KLHL15: variants seen among roughly 807,000 people sequenced by gnomAD.
KLHL15 encodes kelch like family member 15, also known as kelch-like protein 15.
In KLHL15, 1 loss-of-function variant was observed where a neutral mutation model predicts 29.3. The ratio of observed to expected loss-of-function variants is 0.03; its 90% confidence interval spans 0.01 to 0.16. KLHL15 has a LOEUF of 0.16. KLHL15 is among the 10% of genes least tolerant of loss of function. The pLI, the probability that KLHL15 is intolerant of heterozygous loss-of-function variation, is 1.00. For synonymous variants in KLHL15, 212 were observed against 184.5 expected, an observed-to-expected ratio of 1.15 and a Z score of -1.21; for missense variants, 215 against 478.5, an observed-to-expected ratio of 0.45 and a Z score of 5.14.
chrX:23,998,002 C>T (rs1230629014), intron 3 of KLHL15, among the ~76,000 whole-genome samples: 3 of 110,766 alleles, frequency 2.7e-5, no homozygotes, highest in East Asian at 2.9e-4. Flanking sequence ...CACTCTGTCA[C>T]CCAGGCTGGA....
intron 2 of KLHL15, 47 bp from the exon 3 acceptor site, chrX:24,006,747 A>C (rs1929451893): frequency 1.1e-6 from 1 of 950,589 alleles, no homozygotes; most frequent in Non-Finnish European, 1.4e-6. Context: ...CCATGCATTC[A>C]GAAGAAAATA....
intron 1 of KLHL15, among the ~76,000 whole-genome samples, chrX:24,025,937 C>G (rs1312452911): frequency 7.2e-5 from 8 of 110,923 alleles, no homozygotes; most frequent in Non-Finnish European, 1.5e-4. Flanking sequence ...TCCGCCTGCA[C>G]GAGCGATGGG....
Position 24,027,186 on chromosome X carries a change from C to T in KLHL15, c.-256G>A, listed in dbSNP as rs978528601. ...TTCTTGATTCAAGCAAGAGTTGAAA[C>T]GTTTCTGCGCTCTTTGTACCAGGTA... On this transcript the variant is annotated 5_prime_UTR_variant, in exon 1 of 4. Coordinates refer to ENST00000328046, the MANE Select transcript of KLHL15 (RefSeq NM_030624.3). 6 of 111,582 alleles carry T rather than the reference C, an allele frequency of 5.4e-5. No homozygotes were observed. Among genetic ancestry groups the T allele is most frequent in the African/African-American group, 2.0e-4 (6 of 30,649 alleles). 9.2% of individuals were successfully genotyped at this position (111,582 alleles called of 1,213,427 possible). A position where few individuals can be genotyped will look rare whatever the true frequency, so the allele number is the denominator to read the frequency against.
intron 3 of KLHL15, among the ~76,000 whole-genome samples, chrX:23,989,958 A>T (rs948745285): frequency 2.7e-5 from 3 of 109,639 alleles, no homozygotes; most frequent in Non-Finnish European, 5.7e-5. Context: ...CCTGGCAAAC[A>T]TTTTCCTTTT....
chrX:24,014,973 A>G (rs1929646172), intron 2 of KLHL15, among the ~76,000 whole-genome samples: 1 of 112,386 alleles, frequency 8.9e-6, no homozygotes, highest in Non-Finnish European at 1.9e-5. Flanking sequence ...AAGGCAGTCA[A>G]CTGAGAAAGA....
intron 2 of KLHL15, among the ~76,000 whole-genome samples, chrX:24,008,003 A>G (rs1929490159): frequency 9.0e-6 from 1 of 111,408 alleles, no homozygotes; most frequent in Admixed American, 9.6e-5. Flanking sequence ...AGATGAGAAA[A>G]AGTCTGGAGA....
chrX:23,983,973 T>C lies in KLHL15; in HGVS notation c.*3948A>G, dbSNP rs1420756744. On this transcript the variant is annotated 3_prime_UTR_variant, in exon 4 of 4. Transcript: ENST00000328046. ...CCCAAAATGTACCTAAAGGTCAAAA[T>C]ATTTTTCTATAGACAAAGTATGCCC... 1.8e-5 allele frequency: 2 copies of C among 111,437 alleles called. No individual in the cohort carries two copies. The highest frequency in any genetic ancestry group is 3.8e-5 in the Non-Finnish European group (2 of 53,057). 9.2% of individuals were successfully genotyped at this position (111,437 alleles called of 1,213,427 possible). A position where few individuals can be genotyped will look rare whatever the true frequency, so the allele number is the denominator to read the frequency against.
intron 2 of KLHL15, among the ~76,000 whole-genome samples, chrX:24,006,919 A>G (rs756116407): frequency 8.9e-6 from 1 of 112,026 alleles, no homozygotes; most frequent in Admixed American, 9.5e-5. Context: ...TCAATAGTTC[A>G]TGCCTATAAC....
intron 3 of KLHL15, among the ~76,000 whole-genome samples, chrX:23,997,014 G>A (rs901341834): frequency 2.7e-5 from 3 of 111,815 alleles, no homozygotes; most frequent in Admixed American, 9.5e-5. Context: ...AAGATAAATC[G>A]TAGTAAGAAT....
intron 3 of KLHL15, among the ~76,000 whole-genome samples, chrX:23,991,203 T>C (rs1428317452): frequency 1.9e-5 from 2 of 106,757 alleles, no homozygotes; most frequent in Admixed American, 2.0e-4. Flanking sequence ...AAATACAAAA[T>C]TTAGCTGGAC....
At chrX:23,995,873 G>A (rs1929178172) in intron 3 of KLHL15, among the ~76,000 whole-genome samples, 1 of 111,369 alleles carries the variant, frequency 9.0e-6, no homozygotes, top group Non-Finnish European at 1.9e-5. Flanking sequence ...CCTGTCTCCC[G>A]AGTAGCTGGG....
At chrX:23,993,821 G>C (rs1036688480) in intron 3 of KLHL15, among the ~76,000 whole-genome samples, 7 of 109,629 alleles carry the variant, frequency 6.4e-5, no homozygotes, top group African/African-American at 2.3e-4. Context: ...TTGAGCTCAG[G>C]AGTTTGAGAC....
At position 24,022,116 on chromosome X, in the gene KLHL15, A is replaced by G. The variant is rs2061452234; in HGVS notation, c.-8+2741T>C. Among the ~76,000 whole-genome samples, 3 of 110,149 alleles carry G rather than the reference A, an allele frequency of 2.7e-5. No homozygotes were observed. In the South Asian group the frequency reaches 1.2e-3, roughly 43 times the overall value. ...CACTTTGGGAGACCGAGGCGGGCGGATCACTTGAAGTCAGTCGAGACCAGC... is the reference window on the plus strand; with the variant it reads ...CACTTTGGGAGACCGAGGCGGGCGGGTCACTTGAAGTCAGTCGAGACCAGC... On this transcript the variant is annotated intron_variant, in intron 2 of 3. Transcript: ENST00000328046.
In KLHL15 at chrX:23,989,042, A is replaced by G. The variant is rs754807330; in HGVS notation, c.706-12T>C. On this transcript the variant is annotated splice_polypyrimidine_tract_variant and intron_variant, in intron 3 of 3. Coordinates refer to ENST00000328046, the MANE Select transcript of KLHL15 (RefSeq NM_030624.3). Reference sequence around the variant, plus strand: ...TCTGATGTCTTAACCTAAGAACACAAGAAAAAGAATTTAACCAAAGGAAAA... The same window carrying G: ...TCTGATGTCTTAACCTAAGAACACAGGAAAAAGAATTTAACCAAAGGAAAA... 3 of 1,164,868 alleles carry G rather than the reference A, an allele frequency of 2.6e-6. No homozygotes were observed. The highest frequency in any genetic ancestry group is 3.6e-5 in the African/African-American group (2 of 55,243).
At chrX:23,995,757 GA>G (rs1314235007) in intron 3 of KLHL15, among the ~76,000 whole-genome samples, 20 of 104,253 alleles carry the variant, frequency 1.9e-4, no homozygotes, top group Middle Eastern at 5.1e-3. Context: ...CTTTTTGAAA[GA>G]AAAAAAAAAT....
chrX:24,016,256 C>T (rs148947024), intron 2 of KLHL15, among the ~76,000 whole-genome samples: 941 of 91,773 alleles, frequency 0.01, 19 homozygotes, highest in African/African-American at 0.036. Flanking sequence ...AGGAGAATGG[C>T]GTGAACCTGG....
Position 23,988,766 on chromosome X carries a change from T to C in KLHL15, c.970A>G (p.Ile324Val), listed in dbSNP as rs772671945. ...QVPLRPDCLA[I>V]VNNFVFLLGG... ...AACAGGAACACAAAATTATTGACGA[T>C]AGCAAGGCAGTCAGGTCGCAGAGGT... is the stretch of plus-strand genomic sequence containing the variant. Residue 324 changes from isoleucine (I) to valine (V), a missense_variant, in exon 4 of 4, where the codon ATC (isoleucine) becomes GTC (valine). Ile to Val is a conservative substitution (Grantham distance 29, BLOSUM62 3). Coordinates refer to ENST00000328046, the MANE Select transcript of KLHL15 (RefSeq NM_030624.3). 9.9e-6 allele frequency: 12 copies of C among 1,210,098 alleles called. No individual in the cohort carries two copies. Among genetic ancestry groups the C allele is most frequent in the Admixed American group, 4.4e-5 (2 of 45,662 alleles).
chrX:23,999,886 T>C (rs557345166), intron 3 of KLHL15, among the ~76,000 whole-genome samples: 13 of 112,158 alleles, frequency 1.2e-4, no homozygotes, highest in South Asian at 7.3e-4. Flanking sequence ...CATGCGTTAA[T>C]TACAATCTTC....
intron 2 of KLHL15, among the ~76,000 whole-genome samples, chrX:24,007,535 A>C (rs1454937747): frequency 4.2e-5 from 4 of 96,328 alleles, no homozygotes; most frequent in Non-Finnish European, 8.3e-5. Flanking sequence ...ATATATATAT[A>C]TCAAACAATG....
Sources: gnomAD v4.1 joint callset for allele counts (sites outside exome capture counted in the v4.1 genomes callset) on GRCh38, gnomAD v4.1.1 for gene constraint, MANE v1.5 for transcripts, NCBI Gene and HGNC (gene_info 2026-07-23, HGNC 2026-07-21) for gene names.